The following SEMA6B variants were observed in gnomAD, a reference collection of about 807,000 sequenced individuals.
The protein encoded by SEMA6B is semaphorin-6B.
Under a neutral mutation model 78.6 loss-of-function variants are expected in SEMA6B, and 47 were observed. That is an observed-to-expected ratio of 0.60 (90% CI 0.47 to 0.76). The LOEUF (loss-of-function observed/expected upper bound fraction) is 0.76, where lower values mean the gene tolerates loss of function less well. SEMA6B is among the 30% of genes least tolerant of loss of function. The pLI is 0.00. For synonymous variants in SEMA6B, 632 were observed against 592.2 expected (o/e 1.07, Z -0.98); for missense variants, 1,213 against 1,269.9 (o/e 0.96, Z 0.68).
intron 3 of SEMA6B, 63 bp downstream of exon 3, chr19:4,557,963 T>G: frequency 8.1e-7 from 1 of 1,239,976 alleles, no homozygotes. Context: ...CCTCGCCTCC[T>G]CTCTCTCTCC....
intron 14 of SEMA6B, among the ~76,000 whole-genome samples, chr19:4,547,194 C>G (rs770322409): frequency 8.6e-5 from 13 of 151,850 alleles, no homozygotes; most frequent in Non-Finnish European, 1.5e-4. Context: ...TGGTCTCGAA[C>G]TCCTCGGCTC....
chr19:4,554,930 T>A (rs761258715), intron 8 of SEMA6B, 46 bp downstream of exon 8: 2 of 1,602,446 alleles, frequency 1.2e-6, no homozygotes, highest in Non-Finnish European at 1.7e-6. Flanking sequence ...GAATGTCAGG[T>A]TCTGGGCCCT....
rs1014051064 is a variant in SEMA6B at position 4,543,491 on chromosome 19, G to C, written c.*110C>G. On this transcript the variant is annotated 3_prime_UTR_variant, in exon 17 of 17. Coordinates refer to ENST00000586582, the MANE Select transcript of SEMA6B (RefSeq NM_032108.4). ...CCCCCACTCCGCGGGTGGGTCGCGGGGGGGACTTGAGCACCCACTCGGAGT... is the reference window on the plus strand; with the variant it reads ...CCCCCACTCCGCGGGTGGGTCGCGGCGGGGACTTGAGCACCCACTCGGAGT... 1 of 455,834 alleles carries C rather than the reference G, an allele frequency of 2.2e-6. No individual in the cohort carries two copies. Among genetic ancestry groups the C allele is most frequent in the Non-Finnish European group, 3.6e-6 (1 of 279,546 alleles). The allele number at this position is 455,834 out of a possible 1,614,324, so 28.2% of individuals were successfully genotyped here.
chr19:4,556,713 A>C (rs1384993073), intron 5 of SEMA6B, among the ~76,000 whole-genome samples: 1 of 151,426 alleles, frequency 6.6e-6, no homozygotes, highest in Non-Finnish European at 1.5e-5. Flanking sequence ...GTGGTTATGG[A>C]TAATTGTGGC....
intron 8 of SEMA6B, 75 bp from the exon 9 acceptor site, chr19:4,554,551 T>C: frequency 1.7e-6 from 2 of 1,162,216 alleles, no homozygotes; most frequent in South Asian, 2.5e-5. Flanking sequence ...ACTCACTGGC[T>C]TTTATGGTGA....
At chr19:4,545,238 G>A (rs989836513) in intron 16 of SEMA6B, among the ~76,000 whole-genome samples, 3 of 151,598 alleles carry the variant, frequency 2.0e-5, no homozygotes, top group Non-Finnish European at 4.4e-5. Flanking sequence ...CTACTTGGGA[G>A]GCTGAGGCAG....
At chr19:4,554,594 T>G in intron 8 of SEMA6B, 118 bp from the exon 9 acceptor site, 1 of 745,896 alleles carries the variant, frequency 1.3e-6, no homozygotes, top group East Asian at 2.7e-5. Context: ...CCAGACAATA[T>G]GAAACAGACT....
Position 4,556,975 on chromosome 19 carries a change from C to T in SEMA6B, c.345G>A (p.Val115=), listed in dbSNP as rs780654837. 2.5e-6 allele frequency: 4 copies of T among 1,613,322 alleles called. No individual in the cohort carries two copies. Among genetic ancestry groups the T allele is most frequent in the Non-Finnish European group, 2.5e-6 (3 of 1,179,628 alleles). Residue 115 remains valine (V), a synonymous_variant, in exon 5 of 17, where the codon GTG becomes GTA. Coordinates refer to ENST00000586582, the MANE Select transcript of SEMA6B (RefSeq NM_032108.4). Reference sequence around the variant, plus strand: ...CCTCCTGTTTGCCCTTCATCCGACACACGTTTATGTCGCTGGGGTTAGATC... The same window carrying T: ...CCTCCTGTTTGCCCTTCATCCGACATACGTTTATGTCGCTGGGGTTAGATC... ...TWRSNPSDIN[V]CRMKGKQEGE...
chr19:4,546,026 C>G, intron 16 of SEMA6B, 190 bp downstream of exon 16: 2 of 522,254 alleles, frequency 3.8e-6, no homozygotes, highest in Non-Finnish European at 6.8e-6. Context: ...CCACCTTGGC[C>G]TCCCAAAGTG....
Position 4,542,875 on chromosome 19 carries a change from C to T in SEMA6B, c.*726G>A. ...TCCTCGTGTCTCCTGCCTGAAACCC[C>T]GGCATTGTCCCCGCTTCCCTCTGCA... On this transcript the variant is annotated 3_prime_UTR_variant, in exon 17 of 17. Coordinates refer to ENST00000586582, the MANE Select transcript of SEMA6B (RefSeq NM_032108.4). The T allele has an allele frequency of 1.4e-6, 1 of 702,006 alleles. No homozygotes were observed. 43.5% of individuals were successfully genotyped at this position (702,006 alleles called of 1,614,324 possible).
In SEMA6B at chr19:4,544,187, A is replaced by G; in HGVS notation, c.2081T>C (p.Leu694Pro). 7.9e-7 allele frequency: 1 copy of G among 1,270,200 alleles called. No homozygotes were observed. Among genetic ancestry groups the G allele is most frequent in the South Asian group, 2.6e-5 (1 of 37,882 alleles). The allele number at this position is 1,270,200 out of a possible 1,614,324, so 78.7% of individuals were successfully genotyped here. ...LMQNGWAKATLLQGGPHDLDS... is the reference protein window; with the variant it reads ...LMQNGWAKATPLQGGPHDLDS... ...CAGGTCGTGGGGCCCGCCCTGCAGC[A>G]GCGTGGCCTTGGCCCAGCCGTTCTG... The change falls in exon 17 of 17, where the codon CTG becomes CCG. Residue 694 changes from leucine to proline, a missense_variant. Leu to Pro is a moderately conservative substitution (Grantham distance 98). Transcript: ENST00000586582. This position sits in a 1 kb window ranked among gnomAD's most constrained non-coding sequence, Gnocchi z 5.1.
chr19:4,550,288 G>C lies in SEMA6B; in HGVS notation c.1122-16C>G. 1 of 1,613,454 alleles carries C rather than the reference G, an allele frequency of 6.2e-7. No individual in the cohort carries two copies. The highest frequency in any genetic ancestry group is 8.5e-7 in the Non-Finnish European group (1 of 1,179,914). On this transcript the variant is annotated splice_polypyrimidine_tract_variant and intron_variant, in intron 11 of 16. Coordinates refer to ENST00000586582, the MANE Select transcript of SEMA6B (RefSeq NM_032108.4). This position sits in a 1 kb window ranked among gnomAD's most constrained non-coding sequence, Gnocchi z 6.6. ...GCACCCGGGCCTGGGGGTGACAAGG[G>C]TGTGGTCAGGACGAACGTAAAGGTT...
intron 5 of SEMA6B, 22 bp from the exon 6 acceptor site, chr19:4,556,111 G>A: frequency 5.8e-6 from 9 of 1,565,028 alleles, no homozygotes; most frequent in African/African-American, 4.1e-5. Flanking sequence ...ACAGGAGGAA[G>A]CGGGGAGCGC....
Position 4,546,228 on chromosome 19 carries a change from C to G in SEMA6B, c.1726G>C (p.Gly576Arg). 6.2e-7 allele frequency: 1 copy of G among 1,612,240 alleles called. No individual in the cohort carries two copies. Among genetic ancestry groups the G allele is most frequent in the South Asian group, 1.1e-5 (1 of 90,926 alleles). ...CCCCCCAACTCACCTGTGCAGTCCC[C>G]TAAGCCTGAGGTGCTGGCCCCGGAC... ...DVSGASTSGL[G>R]DCTGLLRASL... The change falls in exon 16 of 17, where the codon GGG (glycine) becomes CGG (arginine). Residue 576 changes from glycine to arginine, a missense_variant. By Grantham distance (125) the Gly-to-Arg change is moderately radical. Transcript: ENST00000586582.
chr19:4,550,388 T>A lies in SEMA6B; in HGVS notation c.1122-116A>T. 1.7e-6 allele frequency: 2 copies of A among 1,162,648 alleles called. No homozygotes were observed. The highest frequency in any genetic ancestry group is 2.5e-6 in the Non-Finnish European group (2 of 814,800). The allele number at this position is 1,162,648 out of a possible 1,614,324, so 72.0% of individuals were successfully genotyped here. ...ACCCTCAGGTTTTTTGTTTGTTTTG[T>A]TTTTGAGACAGAGTCTCAATCTGTC... On this transcript the variant is annotated intron_variant, in intron 11 of 16. Coordinates refer to ENST00000586582, the MANE Select transcript of SEMA6B (RefSeq NM_032108.4). This position sits in a 1 kb window ranked among gnomAD's most constrained non-coding sequence, Gnocchi z 6.6.
intron 8 of SEMA6B, 37 bp downstream of exon 8, chr19:4,554,939 C>G: frequency 6.2e-7 from 1 of 1,606,158 alleles, no homozygotes; most frequent in Non-Finnish European, 8.5e-7. Flanking sequence ...GTTCTGGGCC[C>G]TGCCAGGTCT....
intron 12 of SEMA6B, among the ~76,000 whole-genome samples, chr19:4,549,634 A>G (rs10404223): frequency 0.65 from 98,617 of 151,454 alleles, 34,037 homozygotes; most frequent in African/African-American, 0.88. Context: ...GCCTGCCACC[A>G]CGCCCAGCTA....
rs751499205 is a variant in SEMA6B, at chr19:4,552,636, C to T, written c.775G>A (p.Val259Met). 3 of 1,602,186 alleles carry T rather than the reference C, an allele frequency of 1.9e-6. No homozygotes were observed. Among genetic ancestry groups the T allele is most frequent in the Non-Finnish European group, 2.6e-6 (3 of 1,172,722 alleles). The change falls in exon 10 of 17, where the codon GTG becomes ATG. Residue 259 changes from valine to methionine, a missense_variant. Physicochemically the swap from Val to Met is conservative, Grantham distance 21 (BLOSUM62 1). Coordinates refer to ENST00000586582, the MANE Select transcript of SEMA6B (RefSeq NM_032108.4). This position sits in a 1 kb window ranked among gnomAD's most constrained non-coding sequence, Gnocchi z 7.4. ...CACACTCGGGCCACGCGGGACACCACCACCTGGGCGTGACAGTGGACGGAC... is the reference window on the plus strand; with the variant it reads ...CACACTCGGGCCACGCGGGACACCATCACCTGGGCGTGACAGTGGACGGAC... ...AMEFNYLEKV[V>M]VSRVARVCKN...
In SEMA6B at chr19:4,551,769, T is replaced by G. The variant is rs543423426; in HGVS notation, c.989+653A>C. Among the ~76,000 whole-genome samples, 9 of 151,254 alleles carry G rather than the reference T, an allele frequency of 6.0e-5. No homozygotes were observed. In the South Asian group the frequency reaches 6.3e-4, roughly 11 times the overall value. On this transcript the variant is annotated intron_variant, in intron 10 of 16. Coordinates refer to ENST00000586582, the MANE Select transcript of SEMA6B (RefSeq NM_032108.4). Reference sequence around the variant, plus strand: ...GCTTGAACCCAGGAGGCAGAGGTTGTGGTGAGCCGAGATCGCGCCACTGCA... The same window carrying G: ...GCTTGAACCCAGGAGGCAGAGGTTGGGGTGAGCCGAGATCGCGCCACTGCA...
Sources: allele counts gnomAD v4.1 joint callset (sites outside exome capture counted in the v4.1 genomes callset), GRCh38; gene constraint gnomAD v4.1.1; non-coding constraint Gnocchi (gnomAD v3.1); transcripts MANE v1.5; gene names NCBI Gene and HGNC (gene_info 2026-07-23, HGNC 2026-07-21).